Variants in BCAS3 observed in about 807,000 individuals in gnomAD.
BCAS3 encodes BCAS4/BCAS3 fusion.
In BCAS3, 53 loss-of-function variants were observed where a neutral mutation model predicts 116.1. The ratio of observed to expected loss-of-function variants is 0.46; its 90% CI spans 0.37 to 0.57. BCAS3 has a LOEUF of 0.57. Ranked by LOEUF, BCAS3 falls within the 20% of genes least tolerant of loss-of-function variation. The probability of loss-of-function intolerance (pLI) is 0.00; values close to 1 mark genes in which losing one functional copy is unlikely to be tolerated. For missense variants in BCAS3, 917 were observed against 1,165.4 expected, an observed-to-expected ratio of 0.79 and a Z score of 3.10; for synonymous variants, 391 against 408.2, an observed-to-expected ratio of 0.96 and a Z score of 0.51.
At chr17:60,727,663 C>T (rs1288395992) in intron 5 of BCAS3, among the ~76,000 whole-genome samples, 1 of 152,106 alleles carries the variant, frequency 6.6e-6, no homozygotes, top group Non-Finnish European at 1.5e-5. Flanking sequence ...CTCCTGCCTC[C>T]ACATCGTGCA....
chr17:61,234,016 C>CA (rs909275150), intron 22 of BCAS3, among the ~76,000 whole-genome samples: 4 of 150,274 alleles, frequency 2.7e-5, no homozygotes, highest in African/African-American at 7.3e-5. Context: ...CATCATGGAG[C>CA]AAAAAAAGTG....
chr17:60,783,352 ACAC>A (rs1210274354), intron 6 of BCAS3, among the ~76,000 whole-genome samples: 4 of 152,126 alleles, frequency 2.6e-5, no homozygotes, highest in Admixed American at 2.0e-4. Context: ...CTACAGGTGC[ACAC>A]CACCACATCA....
intron 22 of BCAS3, among the ~76,000 whole-genome samples, chr17:61,298,851 C>G (rs991569031): frequency 1.3e-5 from 2 of 151,314 alleles, no homozygotes; most frequent in Admixed American, 1.3e-4. Context: ...GAGATGGAGT[C>G]TTGCCCTGTC....
intron 12 of BCAS3, among the ~76,000 whole-genome samples, chr17:60,924,190 C>T (rs1257855481): frequency 6.6e-6 from 1 of 152,098 alleles, no homozygotes; most frequent in Non-Finnish European, 1.5e-5. Context: ...AGTCAGCTGA[C>T]TCTTTTTAGA....
intron 7 of BCAS3, among the ~76,000 whole-genome samples, chr17:60,855,784 A>C (rs2053624548): frequency 6.6e-6 from 1 of 151,910 alleles, no homozygotes; most frequent in Admixed American, 6.6e-5. Context: ...CCCAGCCTCA[A>C]GTGATCCTCC....
chr17:60,844,213 G>A (rs1014998480), intron 7 of BCAS3, among the ~76,000 whole-genome samples: 1 of 151,976 alleles, frequency 6.6e-6, no homozygotes, highest in Admixed American at 6.6e-5. Context: ...CAGCTGATCT[G>A]CCCGTCTCGG....
At chr17:60,683,956 G>A (rs770037197) in intron 2 of BCAS3, 26 bp from the exon 3 acceptor site, 6 of 1,600,992 alleles carry the variant, frequency 3.7e-6, no homozygotes, top group Non-Finnish European at 5.1e-6. Context: ...CTCCTGACCA[G>A]TGTTGTCCAT....
At chr17:61,345,872 T>G (rs1207080286) in intron 22 of BCAS3, among the ~76,000 whole-genome samples, 1 of 151,528 alleles carries the variant, frequency 6.6e-6, no homozygotes, top group African/African-American at 2.4e-5. Flanking sequence ...AGGAAGTGAG[T>G]GGGAGAGACA....
rs901834617 is a variant in BCAS3 at position 61,365,797 on chromosome 17, C to T, written c.2426-2530C>T. 7.2e-5 allele frequency among the ~76,000 whole-genome samples: 11 copies of T among 152,118 alleles called. No individual in the cohort carries two copies. The highest frequency in any genetic ancestry group is 2.7e-4 in the African/African-American group (11 of 41,416). On this transcript the variant is annotated intron_variant, in intron 22 of 23. Transcript: ENST00000407086. This position sits in a 1 kb window ranked among gnomAD's most constrained non-coding sequence, Gnocchi z 4.6. ...CTTGTGAAGTGAGAAAACAAATGGT[C>T]ATTCTCTTCCCAATTTTCCAGGCTC...
At chr17:61,338,740 C>T (rs1402885433) in intron 22 of BCAS3, among the ~76,000 whole-genome samples, 1 of 151,930 alleles carries the variant, frequency 6.6e-6, no homozygotes, top group African/African-American at 2.4e-5. Context: ...GTCGTAGCTC[C>T]CTGTGTCCTC....
rs2076059531 is a variant in BCAS3, at chr17:61,126,635, T to A, written c.2425+42071T>A. Among the ~76,000 whole-genome samples the A allele has an allele frequency of 6.6e-6, 1 of 152,168 alleles. No homozygotes were observed. The highest frequency in any genetic ancestry group is 1.5e-5 in the Non-Finnish European group (1 of 68,024). On this transcript the variant is annotated intron_variant, in intron 22 of 23. Transcript: ENST00000407086. This position sits in a 1 kb window ranked among gnomAD's most constrained non-coding sequence, Gnocchi z 4.6. ...AGACCAGGAAAAATCAGGATACAAT[T>A]TGGCACTTATGGAGACGAAATGATT...
At chr17:60,959,450 A>G (rs895593323) in intron 14 of BCAS3, among the ~76,000 whole-genome samples, 1 of 152,210 alleles carries the variant, frequency 6.6e-6, no homozygotes, top group Non-Finnish European at 1.5e-5. Flanking sequence ...GAATGAAAAG[A>G]CACAAGTTGT....
intron 22 of BCAS3, chr17:61,245,278 A>G (rs908180953): frequency 2.6e-5 from 4 of 152,184 alleles, no homozygotes; most frequent in African/African-American, 4.8e-5. Context: ...CCATGATTCA[A>G]TTATCTCCAC....
intron 5 of BCAS3, among the ~76,000 whole-genome samples, chr17:60,710,830 T>G: frequency 6.7e-6 from 1 of 148,472 alleles, no homozygotes; most frequent in African/African-American, 2.5e-5. Flanking sequence ...TGAGACAGGG[T>G]CTCACTTTGT....
intron 7 of BCAS3, among the ~76,000 whole-genome samples, chr17:60,839,383 G>A (rs7211200): frequency 0.19 from 28,526 of 151,886 alleles, 3,229 homozygotes; most frequent in African/African-American, 0.32. Flanking sequence ...TCTTGAAGAA[G>A]AATGTCTGAT....
At chr17:61,025,251 C>T (rs534252676) in intron 16 of BCAS3, among the ~76,000 whole-genome samples, 5 of 151,946 alleles carry the variant, frequency 3.3e-5, no homozygotes, top group Non-Finnish European at 7.4e-5. Context: ...GGTAATTAGT[C>T]ATGAAATCAT....
At chr17:60,760,533 T>A (rs1209428376) in intron 6 of BCAS3, among the ~76,000 whole-genome samples, 1 of 151,878 alleles carries the variant, frequency 6.6e-6, no homozygotes, top group East Asian at 1.9e-4. Flanking sequence ...TTGCAATATG[T>A]CATTCAATTC....
At chr17:60,808,469 T>G (rs2048490176) in intron 7 of BCAS3, among the ~76,000 whole-genome samples, 1 of 152,232 alleles carries the variant, frequency 6.6e-6, no homozygotes, top group Non-Finnish European at 1.5e-5. Context: ...CTTGGCCTCA[T>G]GCTTTCAGTA....
intron 7 of BCAS3, among the ~76,000 whole-genome samples, chr17:60,813,551 C>CTA (rs1245516982): frequency 2.0e-5 from 3 of 152,104 alleles, no homozygotes; most frequent in Non-Finnish European, 4.4e-5. Flanking sequence ...ATTTGTGAAT[C>CTA]TATAAATATT....
Sources: allele counts gnomAD v4.1 joint callset (sites outside exome capture counted in the v4.1 genomes callset), GRCh38; gene constraint gnomAD v4.1.1; non-coding constraint Gnocchi (gnomAD v3.1); transcripts MANE v1.5; gene names NCBI Gene and HGNC (gene_info 2026-07-23, HGNC 2026-07-21).